PTPRD: variants seen among roughly 807,000 people sequenced by gnomAD.
The protein encoded by PTPRD is protein tyrosine phosphatase receptor type D.
Under a neutral mutation model 214.5 loss-of-function variants are expected in PTPRD, and 34 were observed. The ratio of observed to expected loss-of-function variants is 0.16; its 90% CI spans 0.12 to 0.21. The LOEUF (loss-of-function observed/expected upper bound fraction) is 0.21. Among genes scored for constraint, PTPRD ranks in the 10% least tolerant of loss-of-function variants. The probability of loss-of-function intolerance (pLI) is 1.00; values close to 1 mark genes in which losing one functional copy is unlikely to be tolerated. For missense variants in PTPRD, 2,545 were observed against 2,398.7 expected, an observed-to-expected ratio of 1.06 and a Z score of -1.27; for synonymous variants, 1,128 against 845.7, an observed-to-expected ratio of 1.33 and a Z score of -5.79.
At chr9:8,581,362 T>C (rs868490919) in intron 14 of PTPRD, among the ~76,000 whole-genome samples, 1 of 152,214 alleles carries the variant, frequency 6.6e-6, no homozygotes, top group Non-Finnish European at 1.5e-5. Flanking sequence ...TAAATTCTCA[T>C]TGTTTGAACA....
chr9:9,598,091 A>G (rs1181007008), intron 7 of PTPRD, among the ~76,000 whole-genome samples: 1 of 151,936 alleles, frequency 6.6e-6, no homozygotes, highest in Non-Finnish European at 1.5e-5. Context: ...CAGTTAGTAC[A>G]TTTGTACTAC....
At chr9:10,564,923 C>G (rs1441439294) in intron 2 of PTPRD, among the ~76,000 whole-genome samples, 1 of 152,096 alleles carries the variant, frequency 6.6e-6, no homozygotes, top group Non-Finnish European at 1.5e-5. Flanking sequence ...TTCATCTTCT[C>G]TCTTTCATAA....
chr9:8,381,661 T>G lies in PTPRD; in HGVS notation c.4387-4935A>C, dbSNP rs575984532. Among the ~76,000 whole-genome samples, 225 of 152,340 alleles carry G rather than the reference T, an allele frequency of 1.5e-3. 1 individual carries two copies. Among genetic ancestry groups the G allele is most frequent in the African/African-American group, 5.3e-3 (221 of 41,578 alleles). On this transcript the variant is annotated intron_variant, in intron 37 of 45. Coordinates refer to ENST00000381196, the MANE Select transcript of PTPRD (RefSeq NM_002839.4). ...GCTTTTCATATATACAGCCATAAAG[T>G]TGAAAAATATTATTCTCAAAATAAA... is the stretch of plus-strand genomic sequence containing the variant.
At chr9:9,758,521 G>C (rs1020692764) in intron 6 of PTPRD, among the ~76,000 whole-genome samples, 3 of 152,132 alleles carry the variant, frequency 2.0e-5, no homozygotes, top group East Asian at 1.9e-4. Flanking sequence ...GAGAGGCAGC[G>C]TGTGAGTTCC....
intron 5 of PTPRD, among the ~76,000 whole-genome samples, chr9:9,788,705 C>G (rs1182434388): frequency 6.6e-6 from 1 of 151,696 alleles, no homozygotes; most frequent in Non-Finnish European, 1.5e-5. Context: ...AAAAGAAAAG[C>G]CCAAATAGCC....
At chr9:9,896,276 A>G (rs10816218) in intron 5 of PTPRD, among the ~76,000 whole-genome samples, 19 of 152,182 alleles carry the variant, frequency 1.2e-4, no homozygotes, top group African/African-American at 4.3e-4. Context: ...AAGACTTCGG[A>G]AAGTTTTAAA....
chr9:9,357,271 T>G (rs993003144), intron 9 of PTPRD, among the ~76,000 whole-genome samples: 1 of 151,386 alleles, frequency 6.6e-6, no homozygotes, highest in Non-Finnish European at 1.5e-5. Flanking sequence ...CAGTTAGGAC[T>G]TTGGGGATGT....
intron 11 of PTPRD, among the ~76,000 whole-genome samples, chr9:8,806,327 A>G (rs2096680495): frequency 6.6e-6 from 1 of 152,066 alleles, no homozygotes; most frequent in South Asian, 2.1e-4. Flanking sequence ...TTTCATTTCC[A>G]AAGAGTTATA....
chr9:10,520,261 G>A (rs2134157947), intron 2 of PTPRD, among the ~76,000 whole-genome samples: 1 of 152,318 alleles, frequency 6.6e-6, no homozygotes, highest in South Asian at 2.1e-4. Context: ...TTGCTGATAT[G>A]AAGTAAATTG....
At chr9:10,183,382 T>A (rs974937953) in intron 3 of PTPRD, among the ~76,000 whole-genome samples, 2 of 152,170 alleles carry the variant, frequency 1.3e-5, no homozygotes, top group African/African-American at 4.8e-5. Context: ...ATATTTATAA[T>A]CCTTTGCGCA....
chr9:9,295,100 T>C (rs909785502), intron 9 of PTPRD, among the ~76,000 whole-genome samples: 1 of 151,688 alleles, frequency 6.6e-6, no homozygotes, highest in African/African-American at 2.4e-5. Flanking sequence ...GAAAATAAGC[T>C]TGGTGGCTCA....
At chr9:9,587,548 C>T (rs2092197016) in intron 7 of PTPRD, among the ~76,000 whole-genome samples, 1 of 136,206 alleles carries the variant, frequency 7.3e-6, no homozygotes, top group Admixed American at 7.1e-5. Flanking sequence ...CAAAAAAGAC[C>T]AGTTTGCTTC....
At chr9:9,955,913 A>T (rs1587183197) in intron 4 of PTPRD, among the ~76,000 whole-genome samples, 2 of 152,214 alleles carry the variant, frequency 1.3e-5, no homozygotes, top group East Asian at 3.9e-4. Context: ...AAACAGTATC[A>T]GAAGGACTAC....
intron 7 of PTPRD, among the ~76,000 whole-genome samples, chr9:9,695,818 T>C (rs1253420963): frequency 2.6e-5 from 4 of 152,216 alleles, no homozygotes; most frequent in South Asian, 2.1e-4. Context: ...TTGTTGAGGA[T>C]GTTTACATCT....
chr9:10,020,363 A>G (rs1381330796), intron 4 of PTPRD, among the ~76,000 whole-genome samples: 2 of 149,192 alleles, frequency 1.3e-5, no homozygotes. Context: ...GTGCAGTGGC[A>G]TGATCTCGGC....
intron 3 of PTPRD, among the ~76,000 whole-genome samples, chr9:10,191,355 A>G (rs1210289334): frequency 6.6e-6 from 1 of 152,076 alleles, no homozygotes; most frequent in African/African-American, 2.4e-5. Flanking sequence ...CAAATGACAG[A>G]CATTGCTTTA....
At chr9:9,569,655 C>T (rs542900555) in intron 8 of PTPRD, among the ~76,000 whole-genome samples, 3 of 151,484 alleles carry the variant, frequency 2.0e-5, no homozygotes, top group African/African-American at 4.8e-5. Context: ...AGCAAGATAA[C>T]ATACACATTT....
intron 4 of PTPRD, among the ~76,000 whole-genome samples, chr9:9,968,967 C>T (rs1292646013): frequency 6.6e-6 from 1 of 152,128 alleles, no homozygotes; most frequent in African/African-American, 2.4e-5. Context: ...CTGGTAAATT[C>T]ATGAGATGTG....
chr9:10,409,817 C>T (rs541921415), intron 2 of PTPRD, among the ~76,000 whole-genome samples: 73 of 151,738 alleles, frequency 4.8e-4, no homozygotes, highest in African/African-American at 1.7e-3. Context: ...GGATCTAAGG[C>T]CTCTTACTAA....
Sources: gnomAD v4.1 joint callset for allele counts (sites outside exome capture counted in the v4.1 genomes callset) on GRCh38, gnomAD v4.1.1 for gene constraint, MANE v1.5 for transcripts, NCBI Gene and HGNC (gene_info 2026-07-23, HGNC 2026-07-21) for gene names.